PDZRN4: variants seen among roughly 807,000 people sequenced by gnomAD.
The protein encoded by PDZRN4 is PDZ domain containing ring finger 4.
In PDZRN4, 70 loss-of-function variants were observed where a neutral mutation model predicts 99.0. The observed-to-expected ratio is 0.71, with a 90% CI of 0.58 to 0.86. PDZRN4 has a LOEUF of 0.86. PDZRN4 is among the 40% of genes least tolerant of loss of function. The pLI, the probability that PDZRN4 is intolerant of heterozygous loss-of-function variation, is 0.00. For synonymous variants in PDZRN4, 551 were observed against 501.6 expected, an observed-to-expected ratio of 1.10 and a Z score of -1.32; for missense variants, 1,474 against 1,331.2, an observed-to-expected ratio of 1.11 and a Z score of -1.67.
At chr12:41,341,931 A>T (rs1951821287) in intron 3 of PDZRN4, among the ~76,000 whole-genome samples, 1 of 151,950 alleles carries the variant, frequency 6.6e-6, no homozygotes, top group South Asian at 2.1e-4. Context: ...AAGGTATCAC[A>T]CTACTTGACT....
At chr12:41,439,613 T>C (rs1170494978) in intron 3 of PDZRN4, among the ~76,000 whole-genome samples, 1 of 152,138 alleles carries the variant, frequency 6.6e-6, no homozygotes, top group Non-Finnish European at 1.5e-5. Flanking sequence ...GAGCCTTTGT[T>C]ATGGATTTTT....
intron 3 of PDZRN4, among the ~76,000 whole-genome samples, chr12:41,351,225 AG>A (rs1951887450): frequency 6.6e-6 from 1 of 152,096 alleles, no homozygotes; most frequent in African/African-American, 2.4e-5. Flanking sequence ...GAAATTCCAG[AG>A]GAATATTGTT....
chr12:41,555,400 G>A (rs1939139744), intron 6 of PDZRN4, among the ~76,000 whole-genome samples: 1 of 149,662 alleles, frequency 6.7e-6, no homozygotes, highest in Non-Finnish European at 1.5e-5. Context: ...GTGAACAAAT[G>A]TGAAAAAAAA....
intron 9 of PDZRN4, 101 bp downstream of exon 9, chr12:41,568,000 C>G: frequency 1.2e-5 from 8 of 670,074 alleles, no homozygotes; most frequent in Non-Finnish European, 2.1e-5. Context: ...AGGGTTTAAT[C>G]CATCATCTCT....
intron 5 of PDZRN4, among the ~76,000 whole-genome samples, chr12:41,510,715 C>G (rs1175023168): frequency 6.6e-6 from 1 of 152,116 alleles, no homozygotes; most frequent in African/African-American, 2.4e-5. Flanking sequence ...AAAGTGTTCT[C>G]TTCCACTTTA....
chr12:41,249,433 A>C (rs1046747810), intron 3 of PDZRN4, among the ~76,000 whole-genome samples: 2 of 152,188 alleles, frequency 1.3e-5, no homozygotes, highest in South Asian at 4.1e-4. Context: ...GGGAACTTGC[A>C]CACCATTTGG....
chr12:41,389,579 T>C (rs11180881), intron 3 of PDZRN4, among the ~76,000 whole-genome samples: 4,996 of 152,312 alleles, frequency 0.033, 117 homozygotes, highest in African/African-American at 0.071. Context: ...AGAGATTATC[T>C]AGTGCAATCT....
chr12:41,548,574 T>A (rs1333952546), intron 5 of PDZRN4, among the ~76,000 whole-genome samples: 1 of 152,198 alleles, frequency 6.6e-6, no homozygotes, highest in Non-Finnish European at 1.5e-5. Context: ...TTCTTCAAAC[T>A]TGAATAGTGC....
chr12:41,414,229 G>A (rs1289980314), intron 3 of PDZRN4, among the ~76,000 whole-genome samples: 1 of 152,060 alleles, frequency 6.6e-6, no homozygotes, highest in African/African-American at 2.4e-5. Context: ...TTTTTCTCTA[G>A]CTGCCTTTAA....
chr12:41,205,319 A>G (rs1470876434), intron 3 of PDZRN4, among the ~76,000 whole-genome samples: 1 of 151,930 alleles, frequency 6.6e-6, no homozygotes, highest in African/African-American at 2.4e-5. Context: ...GAGATCATTT[A>G]TGAATGCAAA....
intron 5 of PDZRN4, among the ~76,000 whole-genome samples, chr12:41,530,047 T>A (rs1938635059): frequency 6.6e-6 from 1 of 152,222 alleles, no homozygotes; most frequent in Non-Finnish European, 1.5e-5. Context: ...AATGGGTCTT[T>A]CATTCTCACT....
intron 3 of PDZRN4, among the ~76,000 whole-genome samples, chr12:41,500,926 C>T (rs1220946164): frequency 1.3e-5 from 2 of 152,062 alleles, no homozygotes; most frequent in Non-Finnish European, 2.9e-5. Flanking sequence ...CAACACCTCC[C>T]TAATTATCAA....
chr12:41,391,621 T>C (rs1264808004), intron 3 of PDZRN4, among the ~76,000 whole-genome samples: 3 of 152,174 alleles, frequency 2.0e-5, no homozygotes, highest in Non-Finnish European at 1.5e-5. Context: ...TTGGACCCAC[T>C]TCTAACCGAC....
At chr12:41,292,922 G>A (rs1398345628) in intron 3 of PDZRN4, among the ~76,000 whole-genome samples, 1 of 151,596 alleles carries the variant, frequency 6.6e-6, no homozygotes, top group Non-Finnish European at 1.5e-5. Flanking sequence ...GAATGTTTCT[G>A]GTCAGGCAGC....
chr12:41,521,458 C>T (rs1465242899), intron 5 of PDZRN4, among the ~76,000 whole-genome samples: 2 of 151,810 alleles, frequency 1.3e-5, no homozygotes, highest in African/African-American at 2.4e-5. Flanking sequence ...AATCAAGGCA[C>T]AATAAGAGAT....
At chr12:41,555,643 G>A (rs890335054) in intron 6 of PDZRN4, 55 bp from the exon 7 acceptor site, 3 of 1,337,520 alleles carry the variant, frequency 2.2e-6, no homozygotes, top group South Asian at 2.4e-5. Flanking sequence ...ATATTTTTAA[G>A]TTCTTGAGGG....
At chr12:41,517,314 C>T (rs1938418337) in intron 5 of PDZRN4, among the ~76,000 whole-genome samples, 1 of 151,924 alleles carries the variant, frequency 6.6e-6, no homozygotes. Context: ...TATCAAAATG[C>T]CGACATTCAA....
intron 3 of PDZRN4, among the ~76,000 whole-genome samples, chr12:41,316,890 G>A (rs768484392): frequency 6.6e-6 from 1 of 151,330 alleles, no homozygotes; most frequent in Non-Finnish European, 1.5e-5. Context: ...GAGTCTGTCT[G>A]TTTTCCTGTC....
chr12:41,347,614 T>A (rs1951864150), intron 3 of PDZRN4, among the ~76,000 whole-genome samples: 1 of 152,064 alleles, frequency 6.6e-6, no homozygotes, highest in Non-Finnish European at 1.5e-5. Flanking sequence ...CAGTTTCTGA[T>A]GATATTTTTA....
Sources: gnomAD v4.1 joint callset for allele counts (sites outside exome capture counted in the v4.1 genomes callset) on GRCh38, gnomAD v4.1.1 for gene constraint, MANE v1.5 for transcripts, NCBI Gene and HGNC (gene_info 2026-07-23, HGNC 2026-07-21) for gene names.